The following ATP2B1 variants were observed in gnomAD, a reference collection of about 807,000 sequenced individuals.
ATP2B1 encodes plasma membrane calcium-transporting ATPase 1.
A neutral mutation model predicts 124.2 loss-of-function variants in ATP2B1; 14 were observed. The ratio of observed to expected loss-of-function variants is 0.11; its 90% CI spans 0.07 to 0.18. ATP2B1 has a LOEUF of 0.18. Among genes scored for constraint, ATP2B1 ranks in the 10% least tolerant of loss-of-function variants. ATP2B1 has a pLI of 1.00. For missense variants in ATP2B1, 763 were observed against 1,466.1 expected, an observed-to-expected ratio of 0.52 and a Z score of 7.83; for synonymous variants, 449 against 492.4, an observed-to-expected ratio of 0.91 and a Z score of 1.17.
chr12:89,682,531 G>C (rs143231686), intron 1 of ATP2B1, among the ~76,000 whole-genome samples: 30 of 152,240 alleles, frequency 2.0e-4, no homozygotes, highest in African/African-American at 6.7e-4. Flanking sequence ...GAAATAGAAA[G>C]TCCAGAAACA....
intron 1 of ATP2B1, among the ~76,000 whole-genome samples, chr12:89,667,997 G>C (rs1303221607): frequency 6.6e-6 from 1 of 152,154 alleles, no homozygotes; most frequent in African/African-American, 2.4e-5. Context: ...GTGTTAGCCA[G>C]GTACGTGACT....
chr12:89,686,512 C>T lies in ATP2B1; in HGVS notation c.-222+22084G>A, dbSNP rs147825603. 7.2e-5 allele frequency among the ~76,000 whole-genome samples: 11 copies of T among 152,146 alleles called. No individual in the cohort carries two copies. In the East Asian group the frequency reaches 7.7e-4, roughly 11 times the overall value. On this transcript the variant is annotated intron_variant, in intron 1 of 20. Coordinates refer to ENST00000428670, the MANE Select transcript of ATP2B1 (RefSeq NM_001366521.1). ...GTATTTTGCCTTTTATCCAATGTTA[C>T]GCAACATTATCATTAAACCTTCCAA...
intron 2 of ATP2B1, 77 bp downstream of exon 2, chr12:89,655,602 A>C: frequency 7.4e-7 from 1 of 1,355,678 alleles, no homozygotes; most frequent in Non-Finnish European, 1.0e-6. Flanking sequence ...CCAAGATAAT[A>C]TAAGCATGCT....
At chr12:89,639,013 A>G (rs1311442417) in intron 3 of ATP2B1, among the ~76,000 whole-genome samples, 1 of 152,206 alleles carries the variant, frequency 6.6e-6, no homozygotes, top group Admixed American at 6.5e-5. Context: ...AAGTGCAGAT[A>G]CCAGTAACTA....
chr12:89,700,009 TA>T (rs1242390644), intron 1 of ATP2B1, among the ~76,000 whole-genome samples: 1 of 143,904 alleles, frequency 6.9e-6, no homozygotes, highest in Non-Finnish European at 1.5e-5. Context: ...CATGCCTGGC[TA>T]AATTTTTTTT....
chr12:89,630,535 T>G lies in ATP2B1; in HGVS notation c.898A>C (p.Lys300Gln). The G allele has an allele frequency of 6.3e-7, 1 of 1,583,870 alleles. No homozygotes were observed. The highest frequency in any genetic ancestry group is 1.2e-5 in the South Asian group (1 of 85,610). The change falls in exon 6 of 21, where the codon AAG (lysine) becomes CAG (glutamine). Residue 300 changes from lysine to glutamine, a missense_variant. Around this residue, in one of 7 missense-constraint regions of ATP2B1, gnomAD observed 392 missense variants for 776.6 expected, o/e 0.50. Transcript: ENST00000428670. ...LLGAGGEEEE[K>Q]KDEKKKEKKN... is the part of the protein sequence containing the mutation. ...TTTTCCTTTTTCTTCTCATCTTTCT[T>G]CTCTTCCTCTTCACCTCCAGCTCCA...
At chr12:89,615,315 T>G (rs1475769198) in intron 12 of ATP2B1, among the ~76,000 whole-genome samples, 1 of 152,158 alleles carries the variant, frequency 6.6e-6, no homozygotes, top group African/African-American at 2.4e-5. Context: ...CTTCTGCACT[T>G]GTAATTGTCT....
At chr12:89,691,601 G>A (rs956119699) in intron 1 of ATP2B1, among the ~76,000 whole-genome samples, 2 of 152,018 alleles carry the variant, frequency 1.3e-5, no homozygotes, top group African/African-American at 2.4e-5. Flanking sequence ...TGATCACTCA[G>A]GATTATTACT....
At chr12:89,615,738 C>T (rs1217465836) in intron 12 of ATP2B1, among the ~76,000 whole-genome samples, 11 of 152,092 alleles carry the variant, frequency 7.2e-5, no homozygotes, top group Non-Finnish European at 2.9e-5. Flanking sequence ...CTTACCTGAC[C>T]CCTCCAGTGG....
At chr12:89,627,786 G>A (rs1159131272) in intron 6 of ATP2B1, 70 bp from the exon 7 acceptor site, 1 of 1,485,088 alleles carries the variant, frequency 6.7e-7, no homozygotes, top group Non-Finnish European at 9.4e-7. Context: ...TTATGCAGAA[G>A]TAGTTCACAT....
At chr12:89,598,592 C>A in intron 20 of ATP2B1, 1 of 1,613,086 alleles carries the variant, frequency 6.2e-7, no homozygotes. Context: ...ACACTCACAC[C>A]CCACAGTAGT....
intron 8 of ATP2B1, among the ~76,000 whole-genome samples, chr12:89,626,142 A>G (rs1303316363): frequency 1.3e-5 from 2 of 152,242 alleles, no homozygotes; most frequent in Admixed American, 6.5e-5. Context: ...TTAAAATATA[A>G]TTAGTTCATC....
chr12:89,631,706 G>C (rs887630950), intron 5 of ATP2B1, among the ~76,000 whole-genome samples: 11 of 152,022 alleles, frequency 7.2e-5, no homozygotes, highest in African/African-American at 2.7e-4. Flanking sequence ...AGAAAACTAG[G>C]AATCAGAGAT....
intron 1 of ATP2B1, among the ~76,000 whole-genome samples, chr12:89,683,343 T>C (rs1051381959): frequency 1.3e-5 from 2 of 152,228 alleles, no homozygotes; most frequent in African/African-American, 4.8e-5. Context: ...GCCAAAAGAA[T>C]ATCACAGAAG....
At chr12:89,669,063 C>T (rs763483289) in intron 1 of ATP2B1, among the ~76,000 whole-genome samples, 1 of 152,164 alleles carries the variant, frequency 6.6e-6, no homozygotes, top group African/African-American at 2.4e-5. Context: ...ACTGCATTTT[C>T]TTGTGCACAC....
At chr12:89,626,376 T>TA in intron 8 of ATP2B1, 78 bp downstream of exon 8, 1 of 1,448,836 alleles carries the variant, frequency 6.9e-7, no homozygotes, top group Non-Finnish European at 9.2e-7. Flanking sequence ...TTTCCAGCCT[T>TA]AAGTGTGTCA....
chr12:89,595,823 A>C (rs1874476580), intron 20 of ATP2B1, among the ~76,000 whole-genome samples: 1 of 152,122 alleles, frequency 6.6e-6, no homozygotes, highest in South Asian at 2.1e-4. Context: ...TACTCCCTGG[A>C]TAACTCCAAG....
At chr12:89,699,486 G>A (rs896813901) in intron 1 of ATP2B1, among the ~76,000 whole-genome samples, 1 of 152,160 alleles carries the variant, frequency 6.6e-6, no homozygotes, top group Non-Finnish European at 1.5e-5. Context: ...AGAAATAAAT[G>A]GTTGAAAGTT....
At chr12:89,699,412 G>A (rs1049072184) in intron 1 of ATP2B1, among the ~76,000 whole-genome samples, 9 of 152,124 alleles carry the variant, frequency 5.9e-5, no homozygotes, top group African/African-American at 1.2e-4. Flanking sequence ...TATCACAGAC[G>A]AAACGTCAAA....
Sources: gnomAD v4.1 joint callset for allele counts (sites outside exome capture counted in the v4.1 genomes callset) on GRCh38, gnomAD v4.1.1 for gene constraint, gnomAD v4.1.1 regional missense constraint, MANE v1.5 for transcripts, NCBI Gene and HGNC (gene_info 2026-07-23, HGNC 2026-07-21) for gene names.